RBFOX1: variants seen among roughly 807,000 people sequenced by gnomAD.
RBFOX1 encodes the protein RNA binding protein fox-1 homolog 1.
Under a neutral mutation model 57.7 loss-of-function variants are expected in RBFOX1, and 8 were observed. That is an observed-to-expected ratio of 0.14 (90% CI 0.08 to 0.25). The LOEUF (loss-of-function observed/expected upper bound fraction) is 0.25. Among genes scored for constraint, RBFOX1 ranks in the 10% least tolerant of loss-of-function variants. The pLI is 1.00. For missense variants in RBFOX1, 611 were observed against 548.5 expected, an observed-to-expected ratio of 1.11 and a Z score of -1.14; for synonymous variants, 326 against 222.4, an observed-to-expected ratio of 1.47 and a Z score of -4.15.
At chr16:7,030,174 A>G (rs1597463845) in intron 3 of RBFOX1, among the ~76,000 whole-genome samples, 1 of 152,166 alleles carries the variant, frequency 6.6e-6, no homozygotes, top group Admixed American at 6.5e-5. Context: ...GTTCTGAGAT[A>G]TGTCCTGATG....
At chr16:6,314,443 A>C (rs2080819600) in intron 1 of RBFOX1, among the ~76,000 whole-genome samples, 1 of 152,188 alleles carries the variant, frequency 6.6e-6, no homozygotes, top group Admixed American at 6.5e-5. Flanking sequence ...TGGAAGGGTC[A>C]ATGAAAGTTA....
chr16:6,861,052 C>T lies in RBFOX1; in HGVS notation c.-15-191005C>T, dbSNP rs1194802092. ...TAGGGAGTAGGGGAGCGGTTGTAAT[C>T]TGCGAGAGTGACTGACAAGGATTCC... On this transcript the variant is annotated intron_variant, in intron 3 of 15. Coordinates refer to ENST00000550418, the MANE Select transcript of RBFOX1 (RefSeq NM_018723.4). Among the ~76,000 whole-genome samples, 9 of 152,260 alleles carry T rather than the reference C, an allele frequency of 5.9e-5. 1 individual carries two copies. Among genetic ancestry groups the T allele is most frequent in the East Asian group, 5.8e-4 (3 of 5,178 alleles).
chr16:5,587,143 G>A (rs2046860362), intron 2 of RBFOX1, among the ~76,000 whole-genome samples: 1 of 152,144 alleles, frequency 6.6e-6, no homozygotes, highest in Non-Finnish European at 1.5e-5. Flanking sequence ...ATAAGACACT[G>A]TTCAAAAGTG....
intron 1 of RBFOX1, among the ~76,000 whole-genome samples, chr16:5,422,214 G>A (rs1056103396): frequency 4.0e-5 from 6 of 149,004 alleles, no homozygotes; most frequent in African/African-American, 1.5e-4. Flanking sequence ...AAAGGTGGAG[G>A]AGAGAGGAGG....
At chr16:7,219,541 T>C (rs959934862) in intron 4 of RBFOX1, among the ~76,000 whole-genome samples, 10 of 152,154 alleles carry the variant, frequency 6.6e-5, no homozygotes, top group African/African-American at 2.4e-4. Flanking sequence ...AGGAAACAAA[T>C]ATGACAGACT....
At chr16:7,431,968 C>G (rs145906794) in intron 4 of RBFOX1, among the ~76,000 whole-genome samples, 2 of 152,200 alleles carry the variant, frequency 1.3e-5, no homozygotes, top group Non-Finnish European at 2.9e-5. Flanking sequence ...TTACGGGATG[C>G]CAAGCATTCC....
chr16:7,537,061 T>C (rs1186924877), intron 5 of RBFOX1, among the ~76,000 whole-genome samples: 1 of 152,164 alleles, frequency 6.6e-6, no homozygotes, highest in African/African-American at 2.4e-5. Flanking sequence ...TGGGAGGCCA[T>C]TGAAGGATTT....
At chr16:6,578,527 A>G (rs573345867) in intron 2 of RBFOX1, among the ~76,000 whole-genome samples, 1 of 150,728 alleles carries the variant, frequency 6.6e-6, no homozygotes, top group South Asian at 2.1e-4. Context: ...TTTACTCAGC[A>G]CAAGCATTCT....
intron 1 of RBFOX1, among the ~76,000 whole-genome samples, chr16:5,277,382 C>T (rs561221120): frequency 1.3e-4 from 20 of 152,180 alleles, no homozygotes; most frequent in African/African-American, 4.1e-4. Flanking sequence ...GCCAAAATTT[C>T]AGAGATCACC....
intron 3 of RBFOX1, among the ~76,000 whole-genome samples, chr16:5,649,694 G>A (rs559346343): frequency 1.3e-5 from 2 of 151,970 alleles, no homozygotes; most frequent in Non-Finnish European, 2.9e-5. Context: ...CAATATCCAC[G>A]CACAAAGTAC....
chr16:7,617,453 G>C (rs1365749847), intron 10 of RBFOX1, among the ~76,000 whole-genome samples: 2 of 152,044 alleles, frequency 1.3e-5, no homozygotes, highest in Admixed American at 1.3e-4. Context: ...ACTTTGCTGA[G>C]CTTGGCTTGA....
chr16:5,825,340 C>T (rs981149761), intron 3 of RBFOX1, among the ~76,000 whole-genome samples: 2 of 152,202 alleles, frequency 1.3e-5, no homozygotes, highest in African/African-American at 4.8e-5. Context: ...CCTCCCCTCT[C>T]TATGCCACAT....
intron 2 of RBFOX1, among the ~76,000 whole-genome samples, chr16:5,472,689 G>A (rs575348628): frequency 3.3e-5 from 5 of 152,268 alleles, no homozygotes; most frequent in Admixed American, 1.3e-4. Context: ...CGCCTTCCCT[G>A]TTTGAGAGGC....
chr16:5,908,981 T>C (rs898370810), intron 4 of RBFOX1, among the ~76,000 whole-genome samples: 39 of 152,152 alleles, frequency 2.6e-4, no homozygotes, highest in Non-Finnish European at 7.4e-5. Flanking sequence ...TGCTAGAGAC[T>C]TGATCTTGGG....
chr16:6,297,915 G>C (rs535928525), intron 1 of RBFOX1, among the ~76,000 whole-genome samples: 1 of 152,240 alleles, frequency 6.6e-6, no homozygotes, highest in Non-Finnish European at 1.5e-5. Context: ...CCAGATGAGA[G>C]CCACCTCCAC....
chr16:5,532,051 G>T (rs1022656399), intron 2 of RBFOX1, among the ~76,000 whole-genome samples: 2 of 152,044 alleles, frequency 1.3e-5, no homozygotes, highest in Non-Finnish European at 2.9e-5. Flanking sequence ...TGTCCGCCTC[G>T]ACCTCCCAAA....
At chr16:5,604,149 C>G (rs1420248406), downstream of RBFOX1, among the ~76,000 whole-genome samples, 1 of 152,170 alleles carries the variant, frequency 6.6e-6, no homozygotes, top group Non-Finnish European at 1.5e-5. Context: ...CTGCCTCATT[C>G]CAGAGCCATA....
At chr16:5,526,379 C>T (rs2044247512) in intron 2 of RBFOX1, among the ~76,000 whole-genome samples, 1 of 152,160 alleles carries the variant, frequency 6.6e-6, no homozygotes, top group Non-Finnish European at 1.5e-5. Flanking sequence ...ACCCCTGCCT[C>T]CCGGGGTCAA....
At chr16:5,747,052 C>T (rs963798038) in intron 3 of RBFOX1, among the ~76,000 whole-genome samples, 2 of 151,878 alleles carry the variant, frequency 1.3e-5, no homozygotes, top group Non-Finnish European at 2.9e-5. Context: ...GATGGGAATG[C>T]ATCCCATTAA....
Sources: gnomAD v4.1 joint callset for allele counts (sites outside exome capture counted in the v4.1 genomes callset) on GRCh38, gnomAD v4.1.1 for gene constraint, MANE v1.5 for transcripts, NCBI Gene and HGNC (gene_info 2026-07-23, HGNC 2026-07-21) for gene names.